The following DACH1 variants were observed in gnomAD, a reference collection of about 807,000 sequenced individuals.
DACH1 encodes dachshund family transcription factor 1, also known as dachshund homolog 1.
A neutral mutation model predicts 54.2 loss-of-function variants in DACH1; 12 were observed. The observed-to-expected ratio is 0.22, with a 90% CI of 0.14 to 0.36. The LOEUF is 0.36. Ranked by LOEUF, DACH1 falls within the 10% of genes least tolerant of loss-of-function variation. The pLI, the probability that DACH1 is intolerant of heterozygous loss-of-function variation, is 1.00. For missense variants in DACH1, 805 were observed against 929.8 expected (o/e 0.87, Z 1.75); for synonymous variants, 386 against 366.2 (o/e 1.05, Z -0.62).
intron 6 of DACH1, among the ~76,000 whole-genome samples, chr13:71,508,643 T>C (rs1880520213): frequency 6.6e-6 from 1 of 151,832 alleles, no homozygotes; most frequent in Non-Finnish European, 1.5e-5. Context: ...TTTTTTTTAG[T>C]TTTTGTAGAG....
intron 8 of DACH1, 40 bp downstream of exon 8, chr13:71,479,129 T>G: frequency 6.5e-7 from 1 of 1,546,586 alleles, no homozygotes; most frequent in African/African-American, 1.4e-5. Flanking sequence ...TGTTTAATAT[T>G]TTCTGTAAAT....
At chr13:71,823,461 C>A (rs1258348116) in intron 1 of DACH1, among the ~76,000 whole-genome samples, 3 of 152,130 alleles carry the variant, frequency 2.0e-5, no homozygotes, top group African/African-American at 7.2e-5. Flanking sequence ...CTTATTTAAA[C>A]TTTTTCACTG....
intron 1 of DACH1, among the ~76,000 whole-genome samples, chr13:71,741,225 T>C (rs1884365987): frequency 6.6e-6 from 1 of 152,182 alleles, no homozygotes; most frequent in Non-Finnish European, 1.5e-5. Flanking sequence ...AAATTTCCAT[T>C]GCAAAGTACC....
chr13:71,645,328 CTG>C (rs1477253575), intron 2 of DACH1, among the ~76,000 whole-genome samples: 2 of 152,162 alleles, frequency 1.3e-5, no homozygotes, highest in African/African-American at 2.4e-5. Context: ...GAACGAAACA[CTG>C]TAGTTTAGAA....
chr13:71,687,096 A>G (rs1881201683), intron 1 of DACH1, among the ~76,000 whole-genome samples: 2 of 152,192 alleles, frequency 1.3e-5, no homozygotes, highest in Non-Finnish European at 2.9e-5. Context: ...GCAAGAGTTC[A>G]TTGGCCCTCT....
intron 6 of DACH1, among the ~76,000 whole-genome samples, chr13:71,554,458 T>G (rs186532704): frequency 6.6e-6 from 1 of 152,172 alleles, no homozygotes; most frequent in Non-Finnish European, 1.5e-5. Context: ...AAACAATTTA[T>G]AAAACCTTGA....
At chr13:71,551,328 C>A (rs1211258785) in intron 6 of DACH1, among the ~76,000 whole-genome samples, 1 of 151,934 alleles carries the variant, frequency 6.6e-6, no homozygotes, top group African/African-American at 2.4e-5. Context: ...TGAAATTATC[C>A]TCTTCTAGGT....
chr13:71,743,266 T>G (rs1366287980), intron 1 of DACH1, among the ~76,000 whole-genome samples: 3 of 151,986 alleles, frequency 2.0e-5, no homozygotes, highest in African/African-American at 7.2e-5. Flanking sequence ...CAGAACACAC[T>G]CTAGATATGT....
intron 3 of DACH1, among the ~76,000 whole-genome samples, chr13:71,592,081 T>C (rs1284658555): frequency 1.3e-5 from 2 of 152,138 alleles, no homozygotes; most frequent in African/African-American, 4.8e-5. Context: ...CTTTGCAGTC[T>C]TAAAAATTCT....
At chr13:71,814,420 G>A (rs776745597) in intron 1 of DACH1, among the ~76,000 whole-genome samples, 3 of 151,844 alleles carry the variant, frequency 2.0e-5, no homozygotes, top group Non-Finnish European at 4.4e-5. Context: ...TTGTAACATC[G>A]GTATAAAGAG....
chr13:71,687,366 G>A (rs1246664482), intron 1 of DACH1, among the ~76,000 whole-genome samples: 1 of 151,896 alleles, frequency 6.6e-6, no homozygotes, highest in Non-Finnish European at 1.5e-5. Context: ...TAACATACAG[G>A]AATGCTTACT....
At chr13:71,621,316 G>T (rs1006218978) in intron 3 of DACH1, among the ~76,000 whole-genome samples, 9 of 151,906 alleles carry the variant, frequency 5.9e-5, no homozygotes, top group Non-Finnish European at 1.0e-4. Flanking sequence ...AACCAAAAAG[G>T]GAAAAAGTCC....
chr13:71,769,840 T>G (rs575796908), intron 1 of DACH1, among the ~76,000 whole-genome samples: 30 of 151,738 alleles, frequency 2.0e-4, no homozygotes, highest in African/African-American at 7.2e-4. Context: ...ATCTTATGCA[T>G]AAAAACCTTT....
chr13:71,758,114 T>G (rs1885244654), intron 1 of DACH1, among the ~76,000 whole-genome samples: 1 of 152,050 alleles, frequency 6.6e-6, no homozygotes, highest in Non-Finnish European at 1.5e-5. Context: ...GATTTAGGGC[T>G]GTGAACACAG....
chr13:71,866,569 C>T lies in DACH1; in HGVS notation c.201G>A (p.Ala67=). ...CGCCGCCGGTAGAGGTGACTGTGGC[C>T]GCCGCCGCCGCCGCCGAAGCGATGG... The part of the protein sequence containing the change: ...PEPIASAAAA[A]ATVTSTGGGG... Residue 67 remains alanine (A), a synonymous_variant, in exon 1 of 11, where the codon GCG becomes GCA. Coordinates refer to ENST00000613252, the MANE Select transcript of DACH1 (RefSeq NM_080759.6). 8.1e-7 allele frequency: 1 copy of T among 1,230,732 alleles called. No homozygotes were observed. The highest frequency in any genetic ancestry group is 1.0e-6 in the Non-Finnish European group (1 of 975,356). 76.2% of individuals were successfully genotyped at this position (1,230,732 alleles called of 1,614,324 possible). A position where few individuals can be genotyped will look rare whatever the true frequency, so the allele number is the denominator to read the frequency against.
chr13:71,536,033 T>A (rs575509109), intron 6 of DACH1, among the ~76,000 whole-genome samples: 1 of 152,170 alleles, frequency 6.6e-6, no homozygotes, highest in African/African-American at 2.4e-5. Flanking sequence ...GATAAAACTA[T>A]TTACTTTTAT....
chr13:71,806,486 A>G (rs1264156050), intron 1 of DACH1, among the ~76,000 whole-genome samples: 1 of 152,158 alleles, frequency 6.6e-6, no homozygotes, highest in Non-Finnish European at 1.5e-5. Context: ...AAAAAATTGT[A>G]TTCTATTTTT....
intron 1 of DACH1, among the ~76,000 whole-genome samples, chr13:71,766,923 A>G (rs1170118732): frequency 1.3e-5 from 2 of 151,976 alleles, no homozygotes; most frequent in Non-Finnish European, 2.9e-5. Flanking sequence ...TCTTGCAGAT[A>G]TATGTGAAAA....
At position 71,557,398 on chromosome 13, in the gene DACH1, C is replaced by A. The variant is rs536619952; in HGVS notation, c.1436-240G>T. Among the ~76,000 whole-genome samples, 18 of 151,980 alleles carry A rather than the reference C, an allele frequency of 1.2e-4. 3 individuals are homozygous for A. Among genetic ancestry groups the A allele is most frequent in the African/African-American group, 3.9e-4 (16 of 41,460 alleles). ...ATCACCTCACTTTATTTTTATTTTG[C>A]ATAAAACAAGATTTTTATCTGGAAA... On this transcript the variant is annotated intron_variant, in intron 5 of 10. Transcript: ENST00000613252.
Sources: gnomAD v4.1 joint callset for allele counts (sites outside exome capture counted in the v4.1 genomes callset) on GRCh38, gnomAD v4.1.1 for gene constraint, MANE v1.5 for transcripts, NCBI Gene and HGNC (gene_info 2026-07-23, HGNC 2026-07-21) for gene names.